Variants in IL1RAPL2 observed in about 807,000 individuals in gnomAD.
IL1RAPL2 encodes the protein X-linked interleukin-1 receptor accessory protein-like 2.
A neutral mutation model predicts 44.1 loss-of-function variants in IL1RAPL2; 3 were observed. The ratio of observed to expected loss-of-function variants is 0.07; its 90% CI spans 0.03 to 0.18. The LOEUF (loss-of-function observed/expected upper bound fraction) is 0.18. Ranked by LOEUF, IL1RAPL2 falls within the 10% of genes least tolerant of loss-of-function variation. The pLI is 1.00. For missense variants in IL1RAPL2, 391 were observed against 496.4 expected (o/e 0.79, Z 2.02); for synonymous variants, 181 against 178.8 (o/e 1.01, Z -0.10).
At position 105,219,208 on chromosome X, in the gene IL1RAPL2, G is replaced by A. The variant is rs781937874; in HGVS notation, c.357-14610G>A. On this transcript the variant is annotated intron_variant, in intron 3 of 10. Transcript: ENST00000372582. ...CTCCCAGTCGGAAGGCAGCTGAGGC[G>A]GAACTGGTGCTGTGACTGTTGCTTG... 1.3e-5 allele frequency: 16 copies of A among 1,208,738 alleles called. No individual in the cohort carries two copies. In the African/African-American group the frequency reaches 1.4e-4, roughly 11 times the overall value.
rs1178935086 is a variant in IL1RAPL2 at position 104,676,399 on chromosome X, C to A, written c.82+17404C>A. 2.0e-4 allele frequency among the ~76,000 whole-genome samples: 22 copies of A among 111,439 alleles called. No homozygotes were observed. The Admixed American group carries it at 2.1e-3, about 11-fold the overall frequency. On this transcript the variant is annotated intron_variant, in intron 2 of 10. Coordinates refer to ENST00000372582, the MANE Select transcript of IL1RAPL2 (RefSeq NM_017416.2). ...GATATGAAATTCTGGGTTGAAAATT[C>A]TTTTCTTTAAGAATGTTGAATATTG... is the stretch of plus-strand genomic sequence containing the variant.
chrX:104,826,938 CTTTTTTTTTTT>C (rs1176113214), intron 2 of IL1RAPL2, among the ~76,000 whole-genome samples: 1 of 34,850 alleles, frequency 2.9e-5, no homozygotes, highest in Admixed American at 3.6e-4. Flanking sequence ...GCAACCCCTG[CTTTTTTTTTTT>C]TTTTTTTTTT....
At chrX:105,488,957 T>C (rs1443264585) in intron 6 of IL1RAPL2, among the ~76,000 whole-genome samples, 1 of 112,227 alleles carries the variant, frequency 8.9e-6, no homozygotes, top group Non-Finnish European at 1.9e-5. Flanking sequence ...GTTCTAGAAA[T>C]TTAGATACGT....
intron 2 of IL1RAPL2, among the ~76,000 whole-genome samples, chrX:104,964,139 C>A (rs757170233): frequency 9.1e-6 from 1 of 110,456 alleles, no homozygotes; most frequent in Non-Finnish European, 1.9e-5. Flanking sequence ...CATTTATATT[C>A]ATTTATTTCA....
chrX:105,489,817 C>CTT (rs1189070538), intron 6 of IL1RAPL2, among the ~76,000 whole-genome samples: 8 of 96,484 alleles, frequency 8.3e-5, no homozygotes, highest in Admixed American at 2.3e-4. Flanking sequence ...CTCTCTCTCT[C>CTT]TCTCTTTCTT....
At chrX:105,381,359 C>T (rs889732162) in intron 5 of IL1RAPL2, among the ~76,000 whole-genome samples, 25 of 111,807 alleles carry the variant, frequency 2.2e-4, no homozygotes, top group African/African-American at 7.8e-4. Context: ...CTTCTCAACA[C>T]TCTCTTCCTC....
chrX:105,276,816 C>G (rs1435153249), intron 5 of IL1RAPL2, among the ~76,000 whole-genome samples: 2 of 111,639 alleles, frequency 1.8e-5, no homozygotes, highest in African/African-American at 6.5e-5. Flanking sequence ...CCATCTCTAG[C>G]AGTGAGTGGA....
At chrX:104,973,491 A>G (rs2030274299) in intron 2 of IL1RAPL2, among the ~76,000 whole-genome samples, 1 of 111,994 alleles carries the variant, frequency 8.9e-6, no homozygotes, top group African/African-American at 3.2e-5. Context: ...GAACCAGAAG[A>G]AAAAACTCAC....
At chrX:105,158,171 C>T (rs1450408843) in intron 2 of IL1RAPL2, among the ~76,000 whole-genome samples, 1 of 107,213 alleles carries the variant, frequency 9.3e-6, no homozygotes, top group Non-Finnish European at 1.9e-5. Flanking sequence ...TCCTGGCTAA[C>T]ACAGTGAAAC....
intron 2 of IL1RAPL2, among the ~76,000 whole-genome samples, chrX:104,809,679 G>T (rs1394785444): frequency 9.1e-6 from 1 of 109,700 alleles, no homozygotes; most frequent in East Asian, 2.9e-4. Context: ...TTTGTAGGTT[G>T]CCTGTTCACT....
At chrX:104,624,942 A>C in intron 1 of IL1RAPL2, among the ~76,000 whole-genome samples, 1 of 112,165 alleles carries the variant, frequency 8.9e-6, no homozygotes, top group East Asian at 2.8e-4. Context: ...TATGTCTTGT[A>C]TTACCTCACT....
At chrX:105,584,599 A>G (rs911332565) in intron 6 of IL1RAPL2, among the ~76,000 whole-genome samples, 37 of 110,097 alleles carry the variant, frequency 3.4e-4, no homozygotes, top group African/African-American at 1.2e-3. Context: ...TGTCTTCAAA[A>G]GCATTAAATA....
rs35055233 is a variant in IL1RAPL2, at chrX:105,449,583, CA to C, written c.698-34716del. 2.0e-3 allele frequency among the ~76,000 whole-genome samples: 172 copies of C among 85,122 alleles called. 1 individual carries two copies. Among genetic ancestry groups the C allele is most frequent in the Middle Eastern group, 6.4e-3 (1 of 156 alleles). The allele number at this position is 85,122 out of a possible 115,157, so 73.9% of individuals were successfully genotyped here. A position where few individuals can be genotyped will look rare whatever the true frequency, so the allele number is the denominator to read the frequency against. On this transcript the variant is annotated intron_variant, in intron 5 of 10. Coordinates refer to ENST00000372582, the MANE Select transcript of IL1RAPL2 (RefSeq NM_017416.2). ...TGGGCAACAGAGAGAGACTCCGTCT[CA>C]AAAAAAAAAAAAATTAGCTGGGCGT...
chrX:104,725,595 A>T (rs942055905), intron 2 of IL1RAPL2, among the ~76,000 whole-genome samples: 1 of 112,177 alleles, frequency 8.9e-6, no homozygotes, highest in Non-Finnish European at 1.9e-5. Context: ...GTGAGATGGT[A>T]TCTCATTGTG....
chrX:105,295,023 C>T (rs2034644053), intron 5 of IL1RAPL2, among the ~76,000 whole-genome samples: 1 of 111,330 alleles, frequency 9.0e-6, no homozygotes, highest in South Asian at 3.7e-4. Context: ...AAGACAAAGG[C>T]AACAATATGA....
At chrX:105,173,215 G>A (rs1261522152) in intron 2 of IL1RAPL2, among the ~76,000 whole-genome samples, 2 of 111,539 alleles carry the variant, frequency 1.8e-5, no homozygotes, top group Non-Finnish European at 3.8e-5. Context: ...TTCATGATAA[G>A]ACCTATGTGG....
At chrX:104,647,343 C>T in intron 1 of IL1RAPL2, 1 of 488,496 alleles carries the variant, frequency 2.0e-6, no homozygotes, top group Non-Finnish European at 3.8e-6. Flanking sequence ...AGCTTGGCTT[C>T]CATGGAGTCA....
intron 6 of IL1RAPL2, among the ~76,000 whole-genome samples, chrX:105,516,402 C>T (rs1397397815): frequency 8.9e-6 from 1 of 111,765 alleles, no homozygotes; most frequent in African/African-American, 3.3e-5. Flanking sequence ...AGAATTTGCC[C>T]ATGATTACAA....
chrX:105,088,390 G>T (rs905049724), intron 2 of IL1RAPL2, among the ~76,000 whole-genome samples: 16 of 111,682 alleles, frequency 1.4e-4, no homozygotes, highest in Non-Finnish European at 2.5e-4. Flanking sequence ...TATTCCTCTA[G>T]CATTTCTGTT....
Sources: gnomAD v4.1 joint callset for allele counts (sites outside exome capture counted in the v4.1 genomes callset) on GRCh38, gnomAD v4.1.1 for gene constraint, MANE v1.5 for transcripts, NCBI Gene and HGNC (gene_info 2026-07-23, HGNC 2026-07-21) for gene names.